GRM7: variants seen among roughly 807,000 people sequenced by gnomAD.
The protein encoded by GRM7 is metabotropic glutamate receptor 7.
In GRM7, 35 loss-of-function variants were observed where a neutral mutation model predicts 84.5. The ratio of observed to expected loss-of-function variants is 0.41; its 90% CI spans 0.32 to 0.55. The LOEUF (loss-of-function observed/expected upper bound fraction) is 0.55. GRM7 is among the 20% of genes least tolerant of loss of function. The pLI is 0.19. For missense variants in GRM7, 1,003 were observed against 1,194.6 expected (o/e 0.84, Z 2.36); for synonymous variants, 487 against 455.1 (o/e 1.07, Z -0.89).
Position 6,902,361 on chromosome 3 carries a change from A to G in GRM7, c.519+40454A>G, listed in dbSNP as rs114069801. Among the ~76,000 whole-genome samples, 676 of 152,300 alleles carry G rather than the reference A, an allele frequency of 4.4e-3. 2 individuals are homozygous for G. The highest frequency in any genetic ancestry group is 0.016 in the African/African-American group (651 of 41,576). On this transcript the variant is annotated intron_variant, in intron 1 of 9. Transcript: ENST00000357716. Reference sequence around the variant, plus strand: ...AAATGAAAAATTTTAGGCAACCACAATGTCTGGGTTAAACCTTTTTATCAT... The same window carrying G: ...AAATGAAAAATTTTAGGCAACCACAGTGTCTGGGTTAAACCTTTTTATCAT...
rs540866773 is a variant in GRM7, at chr3:7,096,103, T to C, written c.520-50349T>C. ...GTATCTTCTCTATGAAGTTCTATCATGCCAGTGAAAATATTCTGCTCTCCC... is the reference window on the plus strand; with the variant it reads ...GTATCTTCTCTATGAAGTTCTATCACGCCAGTGAAAATATTCTGCTCTCCC... On this transcript the variant is annotated intron_variant, in intron 1 of 9. Coordinates refer to ENST00000357716, the MANE Select transcript of GRM7 (RefSeq NM_000844.4). Among the ~76,000 whole-genome samples, 15 of 152,288 alleles carry C rather than the reference T, an allele frequency of 9.8e-5. No individual in the cohort carries two copies. In the South Asian group the frequency reaches 3.1e-3, roughly 32 times the overall value.
At chr3:7,303,099 G>A (rs1193726381) in intron 3 of GRM7, among the ~76,000 whole-genome samples, 1 of 151,538 alleles carries the variant, frequency 6.6e-6, no homozygotes, top group Non-Finnish European at 1.5e-5. Flanking sequence ...CGCCACCATG[G>A]CCAGCTAATT....
At chr3:7,136,361 G>A (rs980438536) in intron 1 of GRM7, among the ~76,000 whole-genome samples, 15 of 151,824 alleles carry the variant, frequency 9.9e-5, no homozygotes, top group African/African-American at 3.4e-4. Flanking sequence ...TCCTAGTTAT[G>A]TCTGGCAAAG....
intron 9 of GRM7, among the ~76,000 whole-genome samples, chr3:7,713,119 GTTTTGTTTTTT>G (rs1302694636): frequency 2.3e-4 from 13 of 55,642 alleles, no homozygotes; most frequent in African/African-American, 8.2e-4. Context: ...TTCGAATTTT[GTTTTGTTTTTT>G]TTTTTTTTTT....
intron 9 of GRM7, among the ~76,000 whole-genome samples, chr3:7,726,607 C>A (rs1575673886): frequency 1.1e-5 from 1 of 94,788 alleles, no homozygotes; most frequent in African/African-American, 3.7e-5. Context: ...CCGTCTCTCT[C>A]TCCCTCTATA....
intron 1 of GRM7, among the ~76,000 whole-genome samples, chr3:7,029,810 A>T (rs1252068091): frequency 6.6e-6 from 1 of 152,234 alleles, no homozygotes; most frequent in East Asian, 1.9e-4. Context: ...AATCGTGCTA[A>T]CATGCTTAAT....
intron 1 of GRM7, among the ~76,000 whole-genome samples, chr3:6,981,337 G>A (rs966401416): frequency 6.6e-6 from 1 of 152,144 alleles, no homozygotes; most frequent in African/African-American, 2.4e-5. Context: ...GGCTTTCTTT[G>A]GTGTTGATGT....
chr3:7,388,854 T>A (rs1694885591), intron 4 of GRM7, among the ~76,000 whole-genome samples: 1 of 152,078 alleles, frequency 6.6e-6, no homozygotes, highest in Non-Finnish European at 1.5e-5. Flanking sequence ...ATTTTATTGA[T>A]CCTTTGTATG....
At chr3:7,594,765 T>C (rs1398456674) in intron 8 of GRM7, among the ~76,000 whole-genome samples, 1 of 152,082 alleles carries the variant, frequency 6.6e-6, no homozygotes. Flanking sequence ...TGCAAAAGCA[T>C]CTGCAGGCTC....
At chr3:7,452,836 G>T (rs749446984) in intron 6 of GRM7, 29 bp downstream of exon 6, 3 of 1,404,660 alleles carry the variant, frequency 2.1e-6, no homozygotes, top group Non-Finnish European at 3.0e-6. Context: ...ATCCTTTTTG[G>T]AATCCTAAGT....
At chr3:7,370,263 A>C (rs1420419374) in intron 4 of GRM7, among the ~76,000 whole-genome samples, 1 of 152,190 alleles carries the variant, frequency 6.6e-6, no homozygotes, top group African/African-American at 2.4e-5. Flanking sequence ...AATGCCCATC[A>C]GTATTAAGTG....
intron 1 of GRM7, among the ~76,000 whole-genome samples, chr3:6,879,854 C>A (rs751055543): frequency 6.6e-6 from 1 of 152,174 alleles, no homozygotes; most frequent in Non-Finnish European, 1.5e-5. Context: ...GTTAATTCAG[C>A]CACTAAGTGG....
At chr3:7,179,593 C>T (rs1243477363) in intron 2 of GRM7, among the ~76,000 whole-genome samples, 3 of 152,212 alleles carry the variant, frequency 2.0e-5, no homozygotes, top group Non-Finnish European at 4.4e-5. Context: ...CACCTACTGG[C>T]TTATACTGGA....
intron 8 of GRM7, among the ~76,000 whole-genome samples, chr3:7,658,975 C>T (rs1021406461): frequency 9.9e-5 from 15 of 152,190 alleles, no homozygotes; most frequent in Admixed American, 9.2e-4. Flanking sequence ...GATTTCTTTG[C>T]ATTTTTCACA....
intron 4 of GRM7, among the ~76,000 whole-genome samples, chr3:7,340,594 G>A (rs766056095): frequency 3.3e-5 from 5 of 152,178 alleles, no homozygotes; most frequent in Non-Finnish European, 2.9e-5. Context: ...AAGACATGAC[G>A]CCTAACCATA....
chr3:7,043,530 G>A (rs576194755), intron 1 of GRM7, among the ~76,000 whole-genome samples: 3 of 152,042 alleles, frequency 2.0e-5, no homozygotes, highest in Non-Finnish European at 4.4e-5. Context: ...AAGTTCTCTC[G>A]GATATTTTTC....
At chr3:7,367,312 C>G (rs1379267419) in intron 4 of GRM7, among the ~76,000 whole-genome samples, 1 of 150,802 alleles carries the variant, frequency 6.6e-6, no homozygotes, top group Non-Finnish European at 1.5e-5. Context: ...TTTTTTTTTG[C>G]CTTTAGTTTA....
chr3:7,337,306 A>G (rs1044176928), intron 4 of GRM7, among the ~76,000 whole-genome samples: 1 of 152,122 alleles, frequency 6.6e-6, no homozygotes, highest in African/African-American at 2.4e-5. Context: ...TAACCATACA[A>G]ATTCTAGAAG....
intron 9 of GRM7, chr3:7,686,386 C>G: frequency 1.9e-6 from 3 of 1,540,288 alleles, no homozygotes; most frequent in Non-Finnish European, 2.7e-6. Flanking sequence ...AAAGAGTGTA[C>G]AAAAGTCTGT....
Sources: gnomAD v4.1 joint callset for allele counts (sites outside exome capture counted in the v4.1 genomes callset) on GRCh38, gnomAD v4.1.1 for gene constraint, MANE v1.5 for transcripts, NCBI Gene and HGNC (gene_info 2026-07-23, HGNC 2026-07-21) for gene names.